GPC6: variants seen among roughly 807,000 people sequenced by gnomAD.
The protein encoded by GPC6 is glypican-6.
In GPC6, 14 loss-of-function variants were observed where a neutral mutation model predicts 55.2. That is an observed-to-expected ratio of 0.25 (90% CI 0.17 to 0.40). The LOEUF (loss-of-function observed/expected upper bound fraction) is 0.40. GPC6 is among the 10% of genes least tolerant of loss of function. The probability of loss-of-function intolerance (pLI) is 1.00; values close to 1 mark genes in which losing one functional copy is unlikely to be tolerated. For synonymous variants in GPC6, 278 were observed against 259.6 expected (o/e 1.07, Z -0.68); for missense variants, 641 against 708.5 (o/e 0.90, Z 1.08).
intron 4 of GPC6, among the ~76,000 whole-genome samples, chr13:94,055,682 GT>G (rs1884106835): frequency 6.6e-6 from 1 of 152,110 alleles, no homozygotes; most frequent in Non-Finnish European, 1.5e-5. Context: ...GTCAAATAAA[GT>G]TTTTGCAACC....
chr13:94,227,738 G>A (rs9524378), intron 4 of GPC6, among the ~76,000 whole-genome samples: 82,702 of 151,872 alleles, frequency 0.54, 23,017 homozygotes, highest in East Asian at 0.63. Flanking sequence ...TCTCACTCAA[G>A]CTACCTGTCC....
At chr13:94,047,712 A>G (rs1015293218) in intron 4 of GPC6, among the ~76,000 whole-genome samples, 4 of 152,172 alleles carry the variant, frequency 2.6e-5, no homozygotes, top group Non-Finnish European at 5.9e-5. Flanking sequence ...AGATTTAACC[A>G]GTCTAACTTA....
At chr13:94,283,056 TA>T (rs879882591) in intron 4 of GPC6, among the ~76,000 whole-genome samples, 3 of 152,226 alleles carry the variant, frequency 2.0e-5, no homozygotes, top group Non-Finnish European at 2.9e-5. Context: ...TAATTTAACA[TA>T]AAAAAGATCA....
chr13:93,818,972 G>A (rs1323109358), intron 2 of GPC6, among the ~76,000 whole-genome samples: 1 of 152,118 alleles, frequency 6.6e-6, no homozygotes, highest in Non-Finnish European at 1.5e-5. Context: ...TGCACACTGG[G>A]ATCACCTGGG....
intron 6 of GPC6, among the ~76,000 whole-genome samples, chr13:94,362,957 G>A (rs998499400): frequency 1.3e-5 from 2 of 152,078 alleles, no homozygotes; most frequent in African/African-American, 4.8e-5. Context: ...ATGTGCCATG[G>A]TGGTTTGCTG....
At chr13:93,670,024 TCTTAG>T (rs1881297060) in intron 2 of GPC6, among the ~76,000 whole-genome samples, 1 of 152,162 alleles carries the variant, frequency 6.6e-6, no homozygotes, top group African/African-American at 2.4e-5. Flanking sequence ...TTGAGTACTC[TCTTAG>T]AGTTCTCACA....
intron 3 of GPC6, among the ~76,000 whole-genome samples, chr13:93,845,855 G>T: frequency 9.0e-6 from 1 of 111,098 alleles, no homozygotes; most frequent in African/African-American, 3.4e-5. Flanking sequence ...AGGGGGGAGG[G>T]ATAGCATTGG....
intron 1 of GPC6, among the ~76,000 whole-genome samples, chr13:93,371,593 A>T (rs1209102808): frequency 6.6e-6 from 1 of 152,156 alleles, no homozygotes; most frequent in African/African-American, 2.4e-5. Flanking sequence ...ACACATGGTG[A>T]ACAAGACAAA....
At chr13:93,877,905 G>A (rs1013776138) in intron 3 of GPC6, among the ~76,000 whole-genome samples, 12 of 152,126 alleles carry the variant, frequency 7.9e-5, no homozygotes, top group African/African-American at 2.4e-4. Flanking sequence ...GAGACTTGAG[G>A]AACTGTGATA....
At chr13:94,374,013 C>T (rs1368534036) in intron 6 of GPC6, among the ~76,000 whole-genome samples, 1 of 151,890 alleles carries the variant, frequency 6.6e-6, no homozygotes, top group Non-Finnish European at 1.5e-5. Context: ...CAAGCAAATG[C>T]TGAGAGATTT....
At chr13:94,256,507 A>T (rs988912757) in intron 4 of GPC6, among the ~76,000 whole-genome samples, 1 of 152,188 alleles carries the variant, frequency 6.6e-6, no homozygotes, top group Admixed American at 6.5e-5. Flanking sequence ...TACTTTTGTC[A>T]GTGTCATCTC....
chr13:93,734,648 G>C (rs1883935816), intron 2 of GPC6, among the ~76,000 whole-genome samples: 1 of 152,112 alleles, frequency 6.6e-6, no homozygotes, highest in Admixed American at 6.6e-5. Context: ...ACACCAAATT[G>C]TGATGGAGAT....
intron 2 of GPC6, among the ~76,000 whole-genome samples, chr13:93,792,205 G>A (rs533753784): frequency 4.6e-5 from 7 of 152,334 alleles, no homozygotes; most frequent in South Asian, 4.1e-4. Flanking sequence ...ACCTCTCAGC[G>A]TGTGTTTGTG....
intron 4 of GPC6, among the ~76,000 whole-genome samples, chr13:94,060,431 G>A (rs1255830447): frequency 1.3e-5 from 2 of 152,154 alleles, no homozygotes; most frequent in Admixed American, 6.5e-5. Flanking sequence ...GGAAATACAC[G>A]CTCAATTGAA....
chr13:94,371,975 A>G (rs947213136), intron 6 of GPC6, among the ~76,000 whole-genome samples: 12 of 152,168 alleles, frequency 7.9e-5, no homozygotes, highest in African/African-American at 2.7e-4. Context: ...ATTCAAAATT[A>G]TCAAAGTTCT....
intron 2 of GPC6, among the ~76,000 whole-genome samples, chr13:93,669,292 C>G (rs747952104): frequency 2.0e-5 from 3 of 152,136 alleles, no homozygotes; most frequent in African/African-American, 7.2e-5. Context: ...CATCTGGCAT[C>G]TCTTGTGATT....
chr13:93,654,198 T>C (rs1034655393), intron 2 of GPC6, among the ~76,000 whole-genome samples: 2 of 152,218 alleles, frequency 1.3e-5, no homozygotes, highest in Non-Finnish European at 2.9e-5. Flanking sequence ...AGTTCTCTGA[T>C]GTTCTGATCC....
intron 3 of GPC6, among the ~76,000 whole-genome samples, chr13:94,013,209 T>TG (rs1594665837): frequency 9.3e-6 from 1 of 107,658 alleles, no homozygotes; most frequent in Admixed American, 8.6e-5. Flanking sequence ...TGTGTGTGCA[T>TG]GTGTGTATGT....
At chr13:93,487,098 T>C (rs1049978844) in intron 1 of GPC6, among the ~76,000 whole-genome samples, 1 of 152,268 alleles carries the variant, frequency 6.6e-6, no homozygotes, top group African/African-American at 2.4e-5. Context: ...CCCTTATTCA[T>C]TGTTTGTGGC....
Sources: gnomAD v4.1 joint callset for allele counts (sites outside exome capture counted in the v4.1 genomes callset) on GRCh38, gnomAD v4.1.1 for gene constraint, MANE v1.5 for transcripts, NCBI Gene and HGNC (gene_info 2026-07-23, HGNC 2026-07-21) for gene names.